The following TRPC7 variants were observed in gnomAD, a reference collection of about 807,000 sequenced individuals.
TRPC7 encodes the protein short transient receptor potential channel 7.
Under a neutral mutation model 90.1 loss-of-function variants are expected in TRPC7, and 42 were observed. That is an observed-to-expected ratio of 0.47 (90% confidence interval 0.36 to 0.60). The LOEUF is 0.60. TRPC7 is among the 20% of genes least tolerant of loss of function. TRPC7 has a pLI of 0.00. For missense variants in TRPC7, 955 were observed against 1,112.3 expected (o/e 0.86, Z 2.01); for synonymous variants, 451 against 436.3 (o/e 1.03, Z -0.42).
At chr5:136,269,568 C>T (rs955197043) in intron 4 of TRPC7, among the ~76,000 whole-genome samples, 5 of 152,186 alleles carry the variant, frequency 3.3e-5, no homozygotes, top group Admixed American at 1.3e-4. Context: ...TCTTTTATGA[C>T]AGAGTCTCCT....
chr5:136,302,378 C>T (rs1444331195), intron 3 of TRPC7, among the ~76,000 whole-genome samples: 1 of 152,074 alleles, frequency 6.6e-6, no homozygotes, highest in Non-Finnish European at 1.5e-5. Context: ...GGGCAAGTAT[C>T]CCTCAACCCC....
In TRPC7 at chr5:136,251,976, A is replaced by T. The variant is rs565453522; in HGVS notation, c.1346-94T>A. 1.5e-5 allele frequency: 15 copies of T among 999,238 alleles called. No individual in the cohort carries two copies. The South Asian group carries it at 2.1e-4, about 14-fold the overall frequency. The allele number at this position is 999,238 out of a possible 1,614,324, so 61.9% of individuals were successfully genotyped here. A position where few individuals can be genotyped will look rare whatever the true frequency, so the allele number is the denominator to read the frequency against. On this transcript the variant is annotated intron_variant, in intron 5 of 11. Transcript: ENST00000513104. ...GGAGGGAACCAGAGTACAAATGTAAATATCAGCTCTTTGGAGCTGGGACCG... is the reference window on the plus strand; with the variant it reads ...GGAGGGAACCAGAGTACAAATGTAATTATCAGCTCTTTGGAGCTGGGACCG...
chr5:136,282,647 A>G (rs545578478), intron 3 of TRPC7, among the ~76,000 whole-genome samples: 1 of 152,238 alleles, frequency 6.6e-6, no homozygotes, highest in Admixed American at 6.5e-5. Context: ...AAAGTTATAA[A>G]TATTCTTAAT....
intron 3 of TRPC7, among the ~76,000 whole-genome samples, chr5:136,302,578 C>G (rs1758439493): frequency 6.6e-6 from 1 of 151,902 alleles, no homozygotes; most frequent in Non-Finnish European, 1.5e-5. Flanking sequence ...ACCCTCCATT[C>G]CTCCTTCTTC....
intron 10 of TRPC7, chr5:136,222,010 T>C (rs1201107002): frequency 6.6e-6 from 1 of 152,184 alleles, no homozygotes; most frequent in East Asian, 1.9e-4. Context: ...CACAGGGAGC[T>C]TGGGGATGAG....
intron 5 of TRPC7, among the ~76,000 whole-genome samples, chr5:136,253,702 C>T (rs1405537731): frequency 6.6e-6 from 1 of 152,202 alleles, no homozygotes; most frequent in Non-Finnish European, 1.5e-5. Flanking sequence ...CCCCTCGGGC[C>T]TCCTATTCCC....
chr5:136,256,292 T>G (rs767065757), intron 5 of TRPC7, among the ~76,000 whole-genome samples: 3 of 152,212 alleles, frequency 2.0e-5, no homozygotes, highest in Admixed American at 6.5e-5. Context: ...CTTTCCAGGT[T>G]TTTGGCCGTT....
At chr5:136,225,228 A>G in intron 10 of TRPC7, 46 bp downstream of exon 10, 1 of 1,545,362 alleles carries the variant, frequency 6.5e-7, no homozygotes. Context: ...GTCTTAGTGG[A>G]GTCTACTTCT....
chr5:136,267,964 A>G (rs1442403845), intron 4 of TRPC7, among the ~76,000 whole-genome samples: 1 of 152,210 alleles, frequency 6.6e-6, no homozygotes, highest in Non-Finnish European at 1.5e-5. Context: ...ATTTTTGGCA[A>G]TAGACAGATG....
intron 3 of TRPC7, among the ~76,000 whole-genome samples, chr5:136,279,069 C>T (rs576692892): frequency 6.6e-6 from 1 of 152,244 alleles, no homozygotes; most frequent in African/African-American, 2.4e-5. Context: ...TTCATTCCCA[C>T]GGATATTCAA....
intron 5 of TRPC7, among the ~76,000 whole-genome samples, chr5:136,253,910 A>G (rs1294938879): frequency 6.6e-6 from 1 of 152,252 alleles, no homozygotes; most frequent in Non-Finnish European, 1.5e-5. Context: ...TAAGTTCTGA[A>G]TGCAAAGAAC....
intron 7 of TRPC7, among the ~76,000 whole-genome samples, chr5:136,245,293 G>A (rs1053252347): frequency 1.3e-5 from 2 of 152,212 alleles, no homozygotes; most frequent in Non-Finnish European, 2.9e-5. Flanking sequence ...CTATTCTCTT[G>A]ACACACAAAC....
At chr5:136,318,360 A>G (rs767904549) in intron 2 of TRPC7, among the ~76,000 whole-genome samples, 1 of 152,136 alleles carries the variant, frequency 6.6e-6, no homozygotes, top group Non-Finnish European at 1.5e-5. Flanking sequence ...GCATTATCTC[A>G]TTCAGTCCTT....
At chr5:136,218,043 A>G (rs1470509052) in intron 10 of TRPC7, among the ~76,000 whole-genome samples, 8 of 145,702 alleles carry the variant, frequency 5.5e-5, no homozygotes, top group Non-Finnish European at 1.1e-4. Flanking sequence ...AAAAAAGAAT[A>G]TATATATAAT....
At position 136,365,346 on chromosome 5, in the gene TRPC7, A is replaced by C. The variant is rs1237996227; in HGVS notation, c.-92T>G. The C allele has an allele frequency of 7.7e-7, 1 of 1,297,538 alleles. No homozygotes were observed. The highest frequency in any genetic ancestry group is 1.1e-6 in the Non-Finnish European group (1 of 928,606). 80.4% of individuals were successfully genotyped at this position (1,297,538 alleles called of 1,614,324 possible). ...GCTGGCTCCCCATGGGTGGTAGCCA[A>C]GGATGTACCGCTCTCCGTGGTGCTG... On this transcript the variant is annotated 5_prime_UTR_variant, in exon 1 of 12. Coordinates refer to ENST00000513104, the MANE Select transcript of TRPC7 (RefSeq NM_020389.3).
At chr5:136,253,309 C>A (rs537047196) in intron 5 of TRPC7, among the ~76,000 whole-genome samples, 1 of 152,106 alleles carries the variant, frequency 6.6e-6, no homozygotes, top group South Asian at 2.1e-4. Flanking sequence ...TAAATTATTA[C>A]TATTTAAATT....
At chr5:136,221,350 G>A (rs189840993) in intron 10 of TRPC7, among the ~76,000 whole-genome samples, 1 of 152,344 alleles carries the variant, frequency 6.6e-6, no homozygotes, top group Admixed American at 6.5e-5. Context: ...GATGCACAAT[G>A]GATAAGAGCA....
chr5:136,358,367 T>C (rs1029287999), intron 1 of TRPC7, among the ~76,000 whole-genome samples: 3 of 152,224 alleles, frequency 2.0e-5, no homozygotes, highest in Non-Finnish European at 4.4e-5. Flanking sequence ...ATTAAGCACC[T>C]AATATATGCC....
At chr5:136,301,657 C>A (rs994116926) in intron 3 of TRPC7, among the ~76,000 whole-genome samples, 2 of 152,122 alleles carry the variant, frequency 1.3e-5, no homozygotes, top group Admixed American at 6.5e-5. Flanking sequence ...CACCCCTGCC[C>A]GCAAAACATT....
Sources: allele counts gnomAD v4.1 joint callset (sites outside exome capture counted in the v4.1 genomes callset), GRCh38; gene constraint gnomAD v4.1.1; transcripts MANE v1.5; gene names NCBI Gene and HGNC (gene_info 2026-07-23, HGNC 2026-07-21).